Variants in ULBP1 observed in about 807,000 individuals in gnomAD.
The protein encoded by ULBP1 is UL16 binding protein 1.
A neutral mutation model predicts 25.3 loss-of-function variants in ULBP1; 28 were observed. The ratio of observed to expected loss-of-function variants is 1.10; its 90% CI spans 0.82 to 1.51. The LOEUF (loss-of-function observed/expected upper bound fraction) is 1.51, where lower values mean the gene tolerates loss of function less well. ULBP1 is among the 40% of genes most tolerant of loss of function. The pLI, the probability that ULBP1 is intolerant of heterozygous loss-of-function variation, is 0.00. For missense variants in ULBP1, 348 were observed against 290.9 expected (o/e 1.20, Z -1.43); for synonymous variants, 129 against 103.0 (o/e 1.25, Z -1.53).
chr6:149,965,022 G>A (rs1479508626), intron 1 of ULBP1, among the ~76,000 whole-genome samples: 2 of 149,708 alleles, frequency 1.3e-5, no homozygotes, highest in African/African-American at 4.9e-5. Context: ...CTCCGGGTCC[G>A]CTTCCTGCGG....
rs1779332354 is a variant in ULBP1, at chr6:149,972,308, A to T, written c.*962A>T. ...CTGGAATATCTGGCCAACCATATGC[A>T]GAAGAATGAAACTGAACCCCTACTT... is the stretch of plus-strand genomic sequence containing the variant. On this transcript the variant is annotated 3_prime_UTR_variant, in exon 5 of 5. Transcript: ENST00000229708. The T allele has an allele frequency of 6.6e-6, 1 of 152,214 alleles. No homozygotes were observed. Among genetic ancestry groups the T allele is most frequent in the African/African-American group, 2.4e-5 (1 of 41,452 alleles). The allele number at this position is 152,214 out of a possible 1,614,324, so 9.4% of individuals were successfully genotyped here.
rs1336444616 is a variant in ULBP1 at position 149,969,130 on chromosome 6, A to G, written c.395A>G (p.His132Arg). 4.3e-6 allele frequency: 7 copies of G among 1,614,258 alleles called. No individual in the cohort carries two copies. Among genetic ancestry groups the G allele is most frequent in the Non-Finnish European group, 5.9e-6 (7 of 1,180,046 alleles). Residue 132 changes from histidine (H) to arginine (R), a missense_variant, in exon 3 of 5, where the codon CAT becomes CGT. By Grantham distance (29) the His-to-Arg change is conservative. Coordinates refer to ENST00000229708, the MANE Select transcript of ULBP1 (RefSeq NM_025218.4). ...QARMSCEHEA[H>R]GHGRGSWQFL... ...AGGATGTCTTGTGAGCATGAAGCCC[A>G]TGGACACGGCAGAGGATCTTGGCAG... is the stretch of plus-strand genomic sequence containing the variant.
At chr6:149,969,538 C>T (rs140226295) in intron 3 of ULBP1, among the ~76,000 whole-genome samples, 178 bp downstream of exon 3, 10 of 152,254 alleles carry the variant, frequency 6.6e-5, no homozygotes, top group South Asian at 2.1e-4. Context: ...CCCTTCTTCC[C>T]CCTGACTCCT....
intron 1 of ULBP1, among the ~76,000 whole-genome samples, chr6:149,967,147 G>T (rs988962483): frequency 6.6e-6 from 1 of 152,182 alleles, no homozygotes; most frequent in East Asian, 1.9e-4. Context: ...CATCGAATGG[G>T]TCTATGAACC....
intron 1 of ULBP1, among the ~76,000 whole-genome samples, chr6:149,965,743 G>A (rs1044041426): frequency 1.2e-4 from 19 of 152,048 alleles, no homozygotes; most frequent in Admixed American, 2.6e-4. Context: ...GCACGCAGGG[G>A]CTCACCAGAC....
chr6:149,967,047 G>A (rs1319936718), intron 1 of ULBP1, among the ~76,000 whole-genome samples: 1 of 152,194 alleles, frequency 6.6e-6, no homozygotes, highest in Non-Finnish European at 1.5e-5. Context: ...TGACAGGGGA[G>A]GTCATATGAC....
rs1179630909 is a variant in ULBP1, at chr6:149,968,697, G to A, written c.176G>A (p.Arg59Lys). The A allele has an allele frequency of 6.8e-6, 11 of 1,614,226 alleles. No individual in the cohort carries two copies. The highest frequency in any genetic ancestry group is 5.9e-6 in the Non-Finnish European group (7 of 1,180,036). Residue 59 changes from arginine to lysine, a missense_variant, in exon 2 of 5, where the codon AGG becomes AAG. Arg to Lys is a conservative substitution (Grantham distance 26). Transcript: ENST00000229708. ...GAAGTTCAAGGCCTGGTGGATGAAAGGCCTTTTCTTCACTATGACTGTGTT... is the reference window on the plus strand; with the variant it reads ...GAAGTTCAAGGCCTGGTGGATGAAAAGCCTTTTCTTCACTATGACTGTGTT... ...WCEVQGLVDE[R>K]PFLHYDCVNH...
intron 4 of ULBP1, among the ~76,000 whole-genome samples, chr6:149,971,122 C>T (rs1437854419): frequency 6.6e-6 from 1 of 152,206 alleles, no homozygotes; most frequent in Non-Finnish European, 1.5e-5. Context: ...AGGGTGCAGA[C>T]CCCTCATTAC....
Position 149,969,243 on chromosome 6 carries a change from G to A in ULBP1, c.508G>A (p.Glu170Lys), listed in dbSNP as rs758759536. ...ALHPGAKKMTEKWEKNRDVTM... is the reference protein window; with the variant it reads ...ALHPGAKKMTKKWEKNRDVTM... Reference sequence around the variant, plus strand: ...TCATCCTGGAGCCAAGAAGATGACAGAGAAGTGGGAGAAGAACAGGGATGT... The same window carrying A: ...TCATCCTGGAGCCAAGAAGATGACAAAGAAGTGGGAGAAGAACAGGGATGT... Residue 170 changes from glutamate to lysine, a missense_variant, in exon 3 of 5, where the codon GAG (glutamate) becomes AAG (lysine). Coordinates refer to ENST00000229708, the MANE Select transcript of ULBP1 (RefSeq NM_025218.4). 6.2e-7 allele frequency: 1 copy of A among 1,614,242 alleles called. No individual in the cohort carries two copies. Among genetic ancestry groups the A allele is most frequent in the East Asian group, 2.2e-5 (1 of 44,886 alleles).
chr6:149,968,866 CATTG>C lies in ULBP1; in HGVS notation c.346_349del (p.Ile116SerfsTer52), dbSNP rs764518105. ...ACATTCAAGTGGAGAATTTAATACC[CATTG>C]GTAAGTTTAAAATGGCCCAGGGAGC... On this transcript the variant is annotated frameshift_variant and splice_region_variant, in exon 2 of 5. Transcript: ENST00000229708. LOFTEE classifies it high-confidence loss of function. The C allele has an allele frequency of 1.9e-6, 3 of 1,613,328 alleles. No individual in the cohort carries two copies. Among genetic ancestry groups the C allele is most frequent in the Non-Finnish European group, 2.5e-6 (3 of 1,179,602 alleles).
In ULBP1 at chr6:149,969,353, T is replaced by A. The variant is rs759567383; in HGVS notation, c.618T>A (p.Asp206Glu). ...TGATGTACTGGGAACAAATGCTGGA[T>A]CCAACAAGTAAGTGAGAGGGGGATA... The part of the protein sequence containing the change: ...EFLMYWEQML[D>E]PTKPPSLAPG... The change falls in exon 3 of 5, where the codon GAT becomes GAA. Residue 206 changes from aspartate to glutamate, a missense_variant. Physicochemically the swap from Asp to Glu is conservative, Grantham distance 45 (BLOSUM62 2). Coordinates refer to ENST00000229708, the MANE Select transcript of ULBP1 (RefSeq NM_025218.4). The A allele has an allele frequency of 1.3e-5, 21 of 1,612,566 alleles. No homozygotes were observed. The highest frequency in any genetic ancestry group is 1.7e-5 in the Non-Finnish European group (20 of 1,178,770).
intron 2 of ULBP1, 63 bp from the exon 3 acceptor site, chr6:149,969,022 A>G: frequency 1.3e-6 from 2 of 1,581,326 alleles, no homozygotes; most frequent in East Asian, 4.5e-5. Flanking sequence ...GGAGCCAGGA[A>G]AGGAAGCAGG....
intron 1 of ULBP1, 26 bp from the exon 2 acceptor site, chr6:149,968,580 AC>A: frequency 6.3e-7 from 1 of 1,589,802 alleles, no homozygotes; most frequent in East Asian, 2.3e-5. Flanking sequence ...CCCCACACCA[AC>A]CCCCTCCTGT....
chr6:149,969,464 T>C (rs1779270138), intron 3 of ULBP1, 104 bp downstream of exon 3: 1 of 1,500,326 alleles, frequency 6.7e-7, no homozygotes, highest in Non-Finnish European at 9.0e-7. Flanking sequence ...AGTATGAACA[T>C]GACCCCCTCA....
chr6:149,968,681 G>T lies in ULBP1; in HGVS notation c.160G>T (p.Gly54Cys), dbSNP rs745485083. Residue 54 changes from glycine to cysteine, a missense_variant, in exon 2 of 5, where the codon GGC (glycine) becomes TGC (cysteine). Coordinates refer to ENST00000229708, the MANE Select transcript of ULBP1 (RefSeq NM_025218.4). ...TGAACCACAGTGGTGTGAAGTTCAA[G>T]GCCTGGTGGATGAAAGGCCTTTTCT... ...RPEPQWCEVQGLVDERPFLHY... is the reference protein window; with the variant it reads ...RPEPQWCEVQCLVDERPFLHY... 1.2e-6 allele frequency: 2 copies of T among 1,614,118 alleles called. No homozygotes were observed.
At chr6:149,968,401 C>T (rs748418628) in intron 1 of ULBP1, among the ~76,000 whole-genome samples, 53 of 152,306 alleles carry the variant, frequency 3.5e-4, no homozygotes, top group Non-Finnish European at 6.2e-4. Context: ...GGTTTCATGG[C>T]TGCAGGAACC....
At chr6:149,964,274 C>A in intron 1 of ULBP1, 140 bp downstream of exon 1, 1 of 933,676 alleles carries the variant, frequency 1.1e-6, no homozygotes. Context: ...CCCCGAACGT[C>A]GCGGTCCCTC....
intron 2 of ULBP1, 86 bp from the exon 3 acceptor site, chr6:149,968,999 G>T: frequency 6.4e-7 from 1 of 1,564,086 alleles, no homozygotes; most frequent in Non-Finnish European, 8.7e-7. Flanking sequence ...ATGCAGCAGA[G>T]AGAGCAAGTC....
At position 149,968,809 on chromosome 6, in the gene ULBP1, C is replaced by T. The variant is rs200248085; in HGVS notation, c.288C>T (p.Asp96=). 68 of 1,613,712 alleles carry T rather than the reference C, an allele frequency of 4.2e-5. No individual in the cohort carries two copies. Among genetic ancestry groups the T allele is most frequent in the Middle Eastern group, 1.6e-4 (1 of 6,084 alleles). Residue 96 remains aspartate (D), a synonymous_variant, in exon 2 of 5, where the codon GAC becomes GAT. Coordinates refer to ENST00000229708, the MANE Select transcript of ULBP1 (RefSeq NM_025218.4). ...TWEEQTETLR[D]VVDFLKGQLL... ...AAGAACAAACTGAAACACTAAGAGA[C>T]GTGGTGGATTTCCTTAAAGGGCAAC...
Sources: allele counts gnomAD v4.1 joint callset (sites outside exome capture counted in the v4.1 genomes callset), GRCh38; gene constraint gnomAD v4.1.1; transcripts MANE v1.5; gene names NCBI Gene and HGNC (gene_info 2026-07-23, HGNC 2026-07-21).